The following ARHGAP15 variants were observed in gnomAD, a reference collection of about 807,000 sequenced individuals.
ARHGAP15 encodes rho GTPase-activating protein 15.
ARHGAP15 carries 51 observed loss-of-function variants against 63.7 expected under a neutral mutation model. The observed-to-expected ratio is 0.80, with a 90% CI of 0.64 to 1.01. The LOEUF (loss-of-function observed/expected upper bound fraction) is 1.01, where lower values mean the gene tolerates loss of function less well. ARHGAP15 is among the 50% of genes least tolerant of loss of function. ARHGAP15 has a pLI of 0.00. For missense variants in ARHGAP15, 560 were observed against 564.6 expected (o/e 0.99, Z 0.08); for synonymous variants, 191 against 193.8 (o/e 0.99, Z 0.12).
At chr2:143,241,500 T>C (rs951558362) in intron 5 of ARHGAP15, among the ~76,000 whole-genome samples, 8 of 152,214 alleles carry the variant, frequency 5.3e-5, no homozygotes, top group Non-Finnish European at 1.2e-4. Context: ...TTAGGAGTAG[T>C]GGCAGATGAG....
At chr2:143,380,566 A>C (rs529178684) in intron 6 of ARHGAP15, among the ~76,000 whole-genome samples, 2 of 152,154 alleles carry the variant, frequency 1.3e-5, no homozygotes, top group African/African-American at 4.8e-5. Flanking sequence ...GATAATTGCA[A>C]TCTAACAAGT....
At chr2:143,545,361 T>C (rs1010527200) in intron 10 of ARHGAP15, among the ~76,000 whole-genome samples, 2 of 152,194 alleles carry the variant, frequency 1.3e-5, no homozygotes, top group Admixed American at 6.5e-5. Flanking sequence ...TAAACTGCCC[T>C]GGTGGTGAGC....
chr2:143,221,842 A>G (rs1319477106), intron 4 of ARHGAP15, among the ~76,000 whole-genome samples: 1 of 152,178 alleles, frequency 6.6e-6, no homozygotes, highest in Admixed American at 6.5e-5. Flanking sequence ...TGCAGAAAAA[A>G]GATTGTGCAG....
intron 13 of ARHGAP15, among the ~76,000 whole-genome samples, chr2:143,739,206 AG>A (rs1243990313): frequency 6.6e-6 from 1 of 152,168 alleles, no homozygotes; most frequent in East Asian, 1.9e-4. Flanking sequence ...TATACTTGGA[AG>A]ACCAGAAAAA....
At chr2:143,707,766 T>C (rs1684396714) in intron 13 of ARHGAP15, among the ~76,000 whole-genome samples, 1 of 152,194 alleles carries the variant, frequency 6.6e-6, no homozygotes, top group Non-Finnish European at 1.5e-5. Flanking sequence ...CATATTGCCT[T>C]AGTAAAGTGT....
chr2:143,661,826 C>T lies in ARHGAP15; in HGVS notation c.1138+37559C>T, dbSNP rs188676024. 2.2e-4 allele frequency among the ~76,000 whole-genome samples: 34 copies of T among 152,304 alleles called. 1 individual carries two copies. The highest frequency in any genetic ancestry group is 3.1e-4 in the African/African-American group (13 of 41,578). ...GGGGTGACGGACGCACCTGGAAAAT[C>T]GGGTCACTCCCACCCGAATATTACG... is the stretch of plus-strand genomic sequence containing the variant. On this transcript the variant is annotated intron_variant, in intron 12 of 13. Transcript: ENST00000295095.
intron 6 of ARHGAP15, among the ~76,000 whole-genome samples, chr2:143,303,048 C>A (rs1682981688): frequency 6.6e-6 from 1 of 151,978 alleles, no homozygotes; most frequent in Non-Finnish European, 1.5e-5. Context: ...AGACCTAAAC[C>A]CATAAAAACC....
chr2:143,583,826 T>A (rs886691298), intron 11 of ARHGAP15, among the ~76,000 whole-genome samples: 1 of 152,234 alleles, frequency 6.6e-6, no homozygotes, highest in African/African-American at 2.4e-5. Flanking sequence ...CAAAGAATAC[T>A]AATTTTATAG....
intron 3 of ARHGAP15, among the ~76,000 whole-genome samples, chr2:143,212,001 A>G (rs534260491): frequency 2.6e-5 from 4 of 152,324 alleles, no homozygotes; most frequent in African/African-American, 7.2e-5. Flanking sequence ...TCTCATCAAA[A>G]TCTGGTAAAA....
At chr2:143,624,579 CCCCTCAT>C (rs1184315720) in intron 12 of ARHGAP15, among the ~76,000 whole-genome samples, 11 of 152,114 alleles carry the variant, frequency 7.2e-5, no homozygotes, top group African/African-American at 2.4e-4. Flanking sequence ...ACTGTGTGCA[CCCCTCAT>C]CTCTGCCTTT....
chr2:143,346,392 C>A (rs533568178), intron 6 of ARHGAP15, among the ~76,000 whole-genome samples: 1 of 151,992 alleles, frequency 6.6e-6, no homozygotes, highest in African/African-American at 2.4e-5. Flanking sequence ...CCATGAGTCA[C>A]GGTGTTTCCC....
At chr2:143,253,666 T>A (rs1405702583) in intron 6 of ARHGAP15, among the ~76,000 whole-genome samples, 5 of 151,222 alleles carry the variant, frequency 3.3e-5, no homozygotes, top group Admixed American at 2.6e-4. Context: ...AATAAAAGAA[T>A]TCTATAATAA....
At chr2:143,574,692 C>A (rs1184134640) in intron 11 of ARHGAP15, among the ~76,000 whole-genome samples, 1 of 152,080 alleles carries the variant, frequency 6.6e-6, no homozygotes, top group Admixed American at 6.6e-5. Flanking sequence ...ATATAGGGAA[C>A]ATGCTAAATA....
At position 143,607,705 on chromosome 2, in the gene ARHGAP15, T is replaced by C. The variant is rs548797864; in HGVS notation, c.1004-16428T>C. 2.0e-5 allele frequency: 3 copies of C among 152,250 alleles called. No homozygotes were observed. In the East Asian group the frequency reaches 5.8e-4, roughly 29 times the overall value. 9.4% of individuals were successfully genotyped at this position (152,250 alleles called of 1,614,324 possible). On this transcript the variant is annotated intron_variant, in intron 11 of 13. Transcript: ENST00000295095. ...TGATCATACTCAGCTTCCCAGAATTTTTTATGCCTGGAGGATGCCACAAGA... is the reference window on the plus strand; with the variant it reads ...TGATCATACTCAGCTTCCCAGAATTCTTTATGCCTGGAGGATGCCACAAGA...
intron 2 of ARHGAP15, among the ~76,000 whole-genome samples, chr2:143,181,642 C>G (rs1157445901): frequency 6.6e-6 from 1 of 152,184 alleles, no homozygotes; most frequent in South Asian, 2.1e-4. Flanking sequence ...GCAGTTTTTC[C>G]ACCTCTCTCA....
chr2:143,394,641 C>A (rs545962266), intron 6 of ARHGAP15, among the ~76,000 whole-genome samples: 22 of 152,230 alleles, frequency 1.4e-4, no homozygotes, highest in Admixed American at 1.4e-3. Context: ...AAGACTTTCC[C>A]AGGTTAGGGA....
chr2:143,189,425 A>G (rs935911311), intron 2 of ARHGAP15, among the ~76,000 whole-genome samples: 2 of 152,118 alleles, frequency 1.3e-5, no homozygotes, highest in Admixed American at 1.3e-4. Context: ...AGCTATTAAA[A>G]AAAAATTGTT....
intron 12 of ARHGAP15, among the ~76,000 whole-genome samples, chr2:143,666,967 T>C (rs1245284006): frequency 7.1e-6 from 1 of 140,456 alleles, no homozygotes; most frequent in Non-Finnish European, 1.5e-5. Flanking sequence ...TTTACACTGT[T>C]GGTGGGACTG....
At chr2:143,338,933 A>T (rs915870952) in intron 6 of ARHGAP15, among the ~76,000 whole-genome samples, 1 of 152,194 alleles carries the variant, frequency 6.6e-6, no homozygotes, top group African/African-American at 2.4e-5. Context: ...CTGGGTTCCA[A>T]AATTCAAGTT....
Sources: allele counts gnomAD v4.1 joint callset (sites outside exome capture counted in the v4.1 genomes callset), GRCh38; gene constraint gnomAD v4.1.1; transcripts MANE v1.5; gene names NCBI Gene and HGNC (gene_info 2026-07-23, HGNC 2026-07-21).